ADAMTS6: variants seen among roughly 807,000 people sequenced by gnomAD.
ADAMTS6 encodes the protein ADAM metallopeptidase with thrombospondin type 1 motif 6.
Under a neutral mutation model 144.3 loss-of-function variants are expected in ADAMTS6, and 23 were observed. The ratio of observed to expected loss-of-function variants is 0.16; its 90% CI spans 0.11 to 0.23. The LOEUF (loss-of-function observed/expected upper bound fraction) is 0.23. Ranked by LOEUF, ADAMTS6 falls within the 10% of genes least tolerant of loss-of-function variation. The pLI is 1.00. For synonymous variants in ADAMTS6, 444 were observed against 457.5 expected, an observed-to-expected ratio of 0.97 and a Z score of 0.38; for missense variants, 999 against 1,379.6, an observed-to-expected ratio of 0.72 and a Z score of 4.37.
At chr5:65,276,922 A>G (rs1037002355) in intron 11 of ADAMTS6, among the ~76,000 whole-genome samples, 41 of 152,220 alleles carry the variant, frequency 2.7e-4, no homozygotes, top group Admixed American at 2.6e-3. Flanking sequence ...TCCTGATAGA[A>G]GTTAAGATTT....
At chr5:65,435,205 T>C (rs148708234) in intron 7 of ADAMTS6, among the ~76,000 whole-genome samples, 104 of 152,302 alleles carry the variant, frequency 6.8e-4, no homozygotes, top group African/African-American at 2.5e-3. Flanking sequence ...CTATGTATTG[T>C]TATTCCTTAA....
chr5:65,325,545 G>A (rs114447735), intron 9 of ADAMTS6, among the ~76,000 whole-genome samples: 240 of 150,510 alleles, frequency 1.6e-3, no homozygotes, highest in African/African-American at 5.5e-3. Flanking sequence ...AATGGAGTGC[G>A]GTGGCATGAT....
intron 7 of ADAMTS6, among the ~76,000 whole-genome samples, chr5:65,366,291 T>TA (rs934310847): frequency 6.6e-6 from 1 of 152,164 alleles, no homozygotes; most frequent in Non-Finnish European, 1.5e-5. Flanking sequence ...ATGGTAATGG[T>TA]AAAAAAATGT....
chr5:65,320,180 A>T (rs1745471366), intron 9 of ADAMTS6, among the ~76,000 whole-genome samples: 1 of 152,196 alleles, frequency 6.6e-6, no homozygotes, highest in Non-Finnish European at 1.5e-5. Context: ...CAATAAAATC[A>T]ATAAACCTAT....
chr5:65,470,213 C>T (rs1760328997), intron 3 of ADAMTS6, among the ~76,000 whole-genome samples: 1 of 152,094 alleles, frequency 6.6e-6, no homozygotes, highest in Non-Finnish European at 1.5e-5. Flanking sequence ...CATGAGCCAC[C>T]TCACCCAGCC....
intron 9 of ADAMTS6, among the ~76,000 whole-genome samples, chr5:65,314,983 C>T (rs1017757120): frequency 2.6e-5 from 4 of 152,004 alleles, no homozygotes; most frequent in South Asian, 4.2e-4. Flanking sequence ...TCACACATAC[C>T]CCATAAATGC....
chr5:65,213,933 G>A (rs573124021), intron 20 of ADAMTS6: 1 of 159,472 alleles, frequency 6.3e-6, no homozygotes, highest in East Asian at 1.9e-4. Flanking sequence ...AGGCCTGAAG[G>A]ACAGGTTTGT....
chr5:65,290,915 T>C (rs1287876175), intron 11 of ADAMTS6, among the ~76,000 whole-genome samples: 1 of 152,164 alleles, frequency 6.6e-6, no homozygotes, highest in East Asian at 1.9e-4. Flanking sequence ...TGAAGTGACT[T>C]AGCACTATCA....
chr5:65,455,804 A>G (rs1759142088), intron 4 of ADAMTS6, among the ~76,000 whole-genome samples: 1 of 152,050 alleles, frequency 6.6e-6, no homozygotes, highest in Non-Finnish European at 1.5e-5. Flanking sequence ...ACTCCATCTC[A>G]AAAATAATAA....
At chr5:65,230,331 A>ATATATATGAAATATATATAATACAT (rs1758070302) in intron 15 of ADAMTS6, among the ~76,000 whole-genome samples, 4 of 128,234 alleles carry the variant, frequency 3.1e-5, no homozygotes, top group South Asian at 4.4e-4. Context: ...ATAATACATT[A>ATATATATGAAATATATATAATACAT]TATATATGAA....
chr5:65,424,120 T>G (rs964747959), intron 7 of ADAMTS6, among the ~76,000 whole-genome samples: 5 of 152,210 alleles, frequency 3.3e-5, no homozygotes, highest in African/African-American at 1.2e-4. Context: ...GACTACTTTT[T>G]CTTTTCTTTT....
chr5:65,450,600 G>A lies in ADAMTS6; in HGVS notation c.1073+875C>T, dbSNP rs1172144176. ...ACTTTTTATTTTAAAATATTGATAA[G>A]AAGTCAAAAGGCACACTTATCTTAA... On this transcript the variant is annotated intron_variant, in intron 7 of 24. Coordinates refer to ENST00000381055, the MANE Select transcript of ADAMTS6 (RefSeq NM_197941.4). Among the ~76,000 whole-genome samples the A allele has an allele frequency of 2.0e-5, 3 of 152,148 alleles. No homozygotes were observed. In the South Asian group the frequency reaches 6.2e-4, roughly 32 times the overall value.
intron 7 of ADAMTS6, among the ~76,000 whole-genome samples, chr5:65,423,484 A>T (rs1007644793): frequency 2.0e-5 from 3 of 152,186 alleles, no homozygotes; most frequent in African/African-American, 7.2e-5. Flanking sequence ...GTAGATGGTA[A>T]CTTACTTAAT....
chr5:65,197,747 G>A, intron 20 of ADAMTS6, among the ~76,000 whole-genome samples: 1 of 152,276 alleles, frequency 6.6e-6, no homozygotes, highest in Non-Finnish European at 1.5e-5. Flanking sequence ...CAACTAGTCT[G>A]TTTATTCGAA....
chr5:65,367,473 C>A (rs1385969495), intron 7 of ADAMTS6, among the ~76,000 whole-genome samples: 3 of 152,156 alleles, frequency 2.0e-5, no homozygotes, highest in Non-Finnish European at 4.4e-5. Context: ...GAATTTATTT[C>A]TCAACTGCTG....
intron 4 of ADAMTS6, among the ~76,000 whole-genome samples, chr5:65,457,291 G>C (rs10514988): frequency 0.056 from 8,522 of 152,170 alleles, 311 homozygotes; most frequent in East Asian, 0.099. Context: ...TAGTGGTCTC[G>C]GCAAGAGATA....
Position 65,398,844 on chromosome 5 carries a change from GAA to G in ADAMTS6, c.1073+52629_1073+52630del, listed in dbSNP as rs1296873586. 7.7e-4 allele frequency among the ~76,000 whole-genome samples: 102 copies of G among 133,192 alleles called. 1 individual carries two copies. The highest frequency in any genetic ancestry group is 3.8e-3 in the Middle Eastern group (1 of 264). The allele number at this position is 133,192 out of a possible 152,430, so 87.4% of individuals were successfully genotyped here. A position where few individuals can be genotyped will look rare whatever the true frequency, so the allele number is the denominator to read the frequency against. On this transcript the variant is annotated intron_variant, in intron 7 of 24. Transcript: ENST00000381055. ...AGAAAGAAAGAAAGAAAGAAAGAAA[GAA>G]AGAAAAAGAAAGAGAAAGAAAGAAA... is the stretch of plus-strand genomic sequence containing the variant.
At chr5:65,193,428 A>G (rs1433235535) in intron 21 of ADAMTS6, among the ~76,000 whole-genome samples, 1 of 152,068 alleles carries the variant, frequency 6.6e-6, no homozygotes, top group East Asian at 1.9e-4. Context: ...TGATGATAAA[A>G]GGCAAAAGAG....
intron 7 of ADAMTS6, among the ~76,000 whole-genome samples, chr5:65,383,264 T>C (rs991051726): frequency 6.6e-6 from 1 of 152,154 alleles, no homozygotes; most frequent in Non-Finnish European, 1.5e-5. Flanking sequence ...CTCACCCTAA[T>C]ATCAACTCAA....
Sources: allele counts gnomAD v4.1 joint callset (sites outside exome capture counted in the v4.1 genomes callset), GRCh38; gene constraint gnomAD v4.1.1; transcripts MANE v1.5; gene names NCBI Gene and HGNC (gene_info 2026-07-23, HGNC 2026-07-21).